The following PDIK1L variants were observed in gnomAD, a reference collection of about 807,000 sequenced individuals.
PDIK1L encodes serine/threonine-protein kinase PDIK1L.
In PDIK1L, 9 loss-of-function variants were observed where a neutral mutation model predicts 27.1. That is an observed-to-expected ratio of 0.33 (90% CI 0.20 to 0.58). The LOEUF (loss-of-function observed/expected upper bound fraction) is 0.58, where lower values mean the gene tolerates loss of function less well. Ranked by LOEUF, PDIK1L falls within the 20% of genes least tolerant of loss-of-function variation. The pLI, the probability that PDIK1L is intolerant of heterozygous loss-of-function variation, is 0.86. For synonymous variants in PDIK1L, 130 were observed against 141.7 expected (o/e 0.92, Z 0.59); for missense variants, 216 against 413.2 (o/e 0.52, Z 4.14).
chr1:26,119,015 G>C lies in PDIK1L; in HGVS notation c.286-2822G>C, dbSNP rs112229740. On this transcript the variant is annotated intron_variant, in intron 2 of 2. Transcript: ENST00000374269. ...ACAGAGGTTACAATCTCATGCATGG[G>C]AACCTAGTGGCCAGTCTGTGTACTT... Among the ~76,000 whole-genome samples the C allele has an allele frequency of 4.7e-3, 715 of 152,306 alleles. 4 individuals are homozygous for C. The highest frequency in any genetic ancestry group is 0.016 in the African/African-American group (663 of 41,548).
rs1489082595 is a variant in PDIK1L, at chr1:26,119,123, G to A, written c.286-2714G>A. Reference sequence around the variant, plus strand: ...TCCCGTGGTTCAAAAGTTACGAATCGTTGGCTGGACGCAGTGGCTTACGCC... The same window carrying A: ...TCCCGTGGTTCAAAAGTTACGAATCATTGGCTGGACGCAGTGGCTTACGCC... On this transcript the variant is annotated intron_variant, in intron 2 of 2. Coordinates refer to ENST00000374269, the MANE Select transcript of PDIK1L (RefSeq NM_152835.5). Among the ~76,000 whole-genome samples the A allele has an allele frequency of 2.6e-5, 4 of 152,324 alleles. No homozygotes were observed. The East Asian group carries it at 5.8e-4, about 22-fold the overall frequency.
rs573581768 is a variant in PDIK1L at position 26,124,853 on chromosome 1, A to T, written c.*2276A>T. The stretch of plus-strand genomic sequence containing the variant: ...AAGGTTTGTTGATAAAATGACAATT[A>T]AAAAATGGCATTTAGCCAAAGGCCT... On this transcript the variant is annotated 3_prime_UTR_variant, in exon 3 of 3. Transcript: ENST00000374269. 6.6e-6 allele frequency: 1 copy of T among 152,350 alleles called. No individual in the cohort carries two copies. The highest frequency in any genetic ancestry group is 2.1e-4 in the South Asian group (1 of 4,834). 9.4% of individuals were successfully genotyped at this position (152,350 alleles called of 1,614,324 possible).
chr1:26,121,765 A>G, intron 2 of PDIK1L, 72 bp from the exon 3 acceptor site: 1 of 1,435,488 alleles, frequency 7.0e-7, no homozygotes, highest in South Asian at 1.4e-5. Flanking sequence ...TAACCTTTCA[A>G]TTATTATTTT....
intron 2 of PDIK1L, among the ~76,000 whole-genome samples, chr1:26,115,011 G>A (rs1397713849): frequency 6.6e-6 from 1 of 152,226 alleles, no homozygotes; most frequent in Non-Finnish European, 1.5e-5. Context: ...TGGTTTGAAT[G>A]TAAGCCTCTG....
rs1425517626 is a variant in PDIK1L at position 26,124,002 on chromosome 1, T to C, written c.*1425T>C. ...CCTTTAAGGTTAAATAGACTTTACA[T>C]TGTATCTAAGTTAATCTTTATAAAG... On this transcript the variant is annotated 3_prime_UTR_variant, in exon 3 of 3. Transcript: ENST00000374269. The C allele has an allele frequency of 6.6e-6, 1 of 152,656 alleles. No individual in the cohort carries two copies. Among genetic ancestry groups the C allele is most frequent in the Non-Finnish European group, 1.5e-5 (1 of 68,022 alleles). The allele number at this position is 152,656 out of a possible 1,614,324, so 9.5% of individuals were successfully genotyped here.
Position 26,124,493 on chromosome 1 carries a change from A to G in PDIK1L, c.*1916A>G, listed in dbSNP as rs1347772150. The G allele has an allele frequency of 6.6e-6, 1 of 152,202 alleles. No homozygotes were observed. Among genetic ancestry groups the G allele is most frequent in the Admixed American group, 6.5e-5 (1 of 15,282 alleles). The allele number at this position is 152,202 out of a possible 1,614,324, so 9.4% of individuals were successfully genotyped here. On this transcript the variant is annotated 3_prime_UTR_variant, in exon 3 of 3. Transcript: ENST00000374269. ...ATCATGATAACGTCTAGTCAATAAC[A>G]TGGCACTTCAGCAGAGATTCATAGA...
chr1:26,117,531 A>G (rs2087900567), intron 2 of PDIK1L, among the ~76,000 whole-genome samples: 1 of 152,170 alleles, frequency 6.6e-6, no homozygotes, highest in African/African-American at 2.4e-5. Flanking sequence ...AGGCAGGCAG[A>G]TTGGCTGAGC....
rs2088029067 is a variant in PDIK1L, at chr1:26,123,560, AG to A, written c.*984del. ...CTTTGTCTAAGCCTCATTATACTGA[AG>A]TTGAAGAAACCAAATGAGCTCCACC... On this transcript the variant is annotated 3_prime_UTR_variant, in exon 3 of 3. Coordinates refer to ENST00000374269, the MANE Select transcript of PDIK1L (RefSeq NM_152835.5). 1 of 152,626 alleles carries A rather than the reference AG, an allele frequency of 6.6e-6. No individual in the cohort carries two copies. Among genetic ancestry groups the A allele is most frequent in the Non-Finnish European group, 1.5e-5 (1 of 68,032 alleles). 9.5% of individuals were successfully genotyped at this position (152,626 alleles called of 1,614,324 possible).
At chr1:26,119,120 A>G (rs917313403) in intron 2 of PDIK1L, among the ~76,000 whole-genome samples, 1 of 152,246 alleles carries the variant, frequency 6.6e-6, no homozygotes, top group Admixed American at 6.5e-5. Context: ...AAAGTTACGA[A>G]TCGTTGGCTG....
intron 2 of PDIK1L, among the ~76,000 whole-genome samples, chr1:26,115,478 G>A (rs1373570956): frequency 6.6e-6 from 1 of 152,222 alleles, no homozygotes; most frequent in East Asian, 1.9e-4. Context: ...GACATAGCTT[G>A]TTAAAGGCTA....
In PDIK1L at chr1:26,112,232, A is replaced by G. The variant is rs1469119092; in HGVS notation, c.-18+317A>G. ...AGGGGGAGGGCCTGACACTTGGCCA[A>G]TGAGCGCGGCCTGAGCCGCCGCGTC... On this transcript the variant is annotated intron_variant, in intron 1 of 2. Transcript: ENST00000374269. Among the ~76,000 whole-genome samples, 12 of 152,164 alleles carry G rather than the reference A, an allele frequency of 7.9e-5. No individual in the cohort carries two copies. The East Asian group carries it at 1.9e-3, about 24-fold the overall frequency.
upstream of PDIK1L, among the ~76,000 whole-genome samples, chr1:26,111,627 T>C (rs2087794937): frequency 6.6e-6 from 1 of 151,062 alleles, no homozygotes; most frequent in Non-Finnish European, 1.5e-5. This position sits in a 1 kb window ranked among gnomAD's most constrained non-coding sequence, Gnocchi z 4.0. Context: ...AGTGGTGCGC[T>C]CCGGAGCGCG....
chr1:26,122,269 A>G lies in PDIK1L; in HGVS notation c.718A>G (p.Ile240Val), dbSNP rs925803797. ...AGGACATTACACAGCAAAAGCTGAC[A>G]TCTTTGCTCTGGGGATTATCATCTG... ...WEGHYTAKAD[I>V]FALGIIIWAM... The change falls in exon 3 of 3, where the codon ATC (isoleucine) becomes GTC (valine). Residue 240 changes from isoleucine to valine, a missense_variant. Physicochemically the swap from Ile to Val is conservative, Grantham distance 29. Transcript: ENST00000374269. This position sits in a 1 kb window ranked among gnomAD's most constrained non-coding sequence, Gnocchi z 5.4. 8 of 1,614,198 alleles carry G rather than the reference A, an allele frequency of 5.0e-6. No homozygotes were observed. Among genetic ancestry groups the G allele is most frequent in the Non-Finnish European group, 6.8e-6 (8 of 1,180,002 alleles).
intron 2 of PDIK1L, among the ~76,000 whole-genome samples, chr1:26,116,801 C>T (rs896849828): frequency 2.6e-5 from 4 of 152,104 alleles, no homozygotes; most frequent in African/African-American, 4.8e-5. Flanking sequence ...CTGCCACCTC[C>T]GCCTCCCGGG....
At position 26,113,164 on chromosome 1, in the gene PDIK1L, C is replaced by T. The variant is rs1408594230; in HGVS notation, c.-17-1128C>T. On this transcript the variant is annotated intron_variant, in intron 1 of 2. Coordinates refer to ENST00000374269, the MANE Select transcript of PDIK1L (RefSeq NM_152835.5). ...ATGACTACAAAAAGGTAACTGTATT[C>T]TAAGTATCCAAGTAGCTTACTTTAT... is the stretch of plus-strand genomic sequence containing the variant. Among the ~76,000 whole-genome samples the T allele has an allele frequency of 3.3e-5, 5 of 152,310 alleles. No homozygotes were observed. The South Asian group carries it at 1.0e-3, about 32-fold the overall frequency.
At chr1:26,113,062 A>G (rs2087822456) in intron 1 of PDIK1L, among the ~76,000 whole-genome samples, 1 of 152,242 alleles carries the variant, frequency 6.6e-6, no homozygotes, top group Admixed American at 6.5e-5. Context: ...ACCTAGAACT[A>G]AATAGATATT....
At chr1:26,117,815 C>T (rs150353094) in intron 2 of PDIK1L, among the ~76,000 whole-genome samples, 232 of 152,036 alleles carry the variant, frequency 1.5e-3, no homozygotes, top group African/African-American at 5.1e-3. Flanking sequence ...CCCGGCACTT[C>T]GGGAGGCTGA....
rs745827223 is a variant in PDIK1L at position 26,122,581 on chromosome 1, A to G, written c.*4A>G. 1.9e-6 allele frequency: 3 copies of G among 1,595,624 alleles called. No homozygotes were observed. The highest frequency in any genetic ancestry group is 2.6e-6 in the Non-Finnish European group (3 of 1,170,218). ...AGATAGCAGCTGGGAAACGTGACAC[A>G]TATTATTTGCAAATACCATGGATGA... On this transcript the variant is annotated 3_prime_UTR_variant, in exon 3 of 3. Transcript: ENST00000374269. This position sits in a 1 kb window ranked among gnomAD's most constrained non-coding sequence, Gnocchi z 5.4.
intron 2 of PDIK1L, among the ~76,000 whole-genome samples, chr1:26,118,091 A>G (rs1040811014): frequency 1.3e-5 from 2 of 151,914 alleles, no homozygotes; most frequent in Non-Finnish European, 2.9e-5. Flanking sequence ...AACCTTGCTG[A>G]ACTTTACATT....
Sources: gnomAD v4.1 joint callset for allele counts (sites outside exome capture counted in the v4.1 genomes callset) on GRCh38, gnomAD v4.1.1 for gene constraint, Gnocchi (gnomAD v3.1) non-coding constraint, MANE v1.5 for transcripts, NCBI Gene and HGNC (gene_info 2026-07-23, HGNC 2026-07-21) for gene names.